Variants in CEMIP2 observed in about 807,000 individuals in gnomAD.
CEMIP2 encodes cell migration inducing hyaluronidase 2.
In CEMIP2, 79 loss-of-function variants were observed where a neutral mutation model predicts 146.9. The observed-to-expected ratio is 0.54, with a 90% CI of 0.45 to 0.65. The LOEUF (loss-of-function observed/expected upper bound fraction) is 0.65. Ranked by LOEUF, CEMIP2 falls within the 30% of genes least tolerant of loss-of-function variation. CEMIP2 has a pLI of 0.00. For synonymous variants in CEMIP2, 601 were observed against 606.3 expected, an observed-to-expected ratio of 0.99 and a Z score of 0.13; for missense variants, 1,596 against 1,696.2, an observed-to-expected ratio of 0.94 and a Z score of 1.04.
At chr9:71,706,936 T>C (rs1299233789) in intron 17 of CEMIP2, among the ~76,000 whole-genome samples, 1 of 152,170 alleles carries the variant, frequency 6.6e-6, no homozygotes, top group East Asian at 1.9e-4. Context: ...CAAGCGATTC[T>C]CCTGCCTCAG....
At position 71,745,723 on chromosome 9, in the gene CEMIP2, G is replaced by A. The variant is rs533767258; in HGVS notation, c.473-144C>T. 1.9e-5 allele frequency: 15 copies of A among 801,718 alleles called. No individual in the cohort carries two copies. The Admixed American group carries it at 4.1e-4, about 22-fold the overall frequency. 49.7% of individuals were successfully genotyped at this position (801,718 alleles called of 1,614,324 possible). A position where few individuals can be genotyped will look rare whatever the true frequency, so the allele number is the denominator to read the frequency against. Reference sequence around the variant, plus strand: ...AAGAATCTGCTTAGAAAACTAAAGGGAAAAATGAAGAGTTCATATCTTAAT... The same window carrying A: ...AAGAATCTGCTTAGAAAACTAAAGGAAAAAATGAAGAGTTCATATCTTAAT... On this transcript the variant is annotated intron_variant, in intron 3 of 23. Coordinates refer to ENST00000377044, the MANE Select transcript of CEMIP2 (RefSeq NM_013390.3).
At position 71,746,596 on chromosome 9, in the gene CEMIP2, CAAAAA is replaced by C. The variant is rs5898226; in HGVS notation, c.332-260_332-256del. 9.7e-4 allele frequency among the ~76,000 whole-genome samples: 73 copies of C among 75,174 alleles called. 1 individual carries two copies. The highest frequency in any genetic ancestry group is 1.0e-3 in the Non-Finnish European group (44 of 42,382). The allele number at this position is 75,174 out of a possible 152,430, so 49.3% of individuals were successfully genotyped here. A position where few individuals can be genotyped will look rare whatever the true frequency, so the allele number is the denominator to read the frequency against. ...GCATCTAGTTCAGGACAAACTTCAC[CAAAAA>C]AAAAAAAAAAAAAAAAAAGTTTCCC... On this transcript the variant is annotated intron_variant, in intron 2 of 23. Transcript: ENST00000377044.
At chr9:71,717,382 T>C (rs1264615222) in intron 13 of CEMIP2, among the ~76,000 whole-genome samples, 4 of 152,092 alleles carry the variant, frequency 2.6e-5, no homozygotes, top group Non-Finnish European at 4.4e-5. Context: ...AAGAAGCTAA[T>C]TTCAGTGCCA....
chr9:71,704,346 C>T (rs1443184760), intron 18 of CEMIP2: 2 of 506,590 alleles, frequency 3.9e-6, no homozygotes. Context: ...GTATTAAAAC[C>T]TATCGTTGAA....
At chr9:71,711,611 G>GA (rs1375949590) in intron 16 of CEMIP2, among the ~76,000 whole-genome samples, 1 of 151,400 alleles carries the variant, frequency 6.6e-6, no homozygotes, top group Non-Finnish European at 1.5e-5. Flanking sequence ...AAAAAGAAAA[G>GA]AAAAAAGAAA....
chr9:71,691,771 G>C (rs1455870550), intron 21 of CEMIP2, among the ~76,000 whole-genome samples: 1 of 152,014 alleles, frequency 6.6e-6, no homozygotes, highest in African/African-American at 2.4e-5. Context: ...AGGAGTTCAA[G>C]GTCAACCTGG....
intron 20 of CEMIP2, among the ~76,000 whole-genome samples, chr9:71,694,997 C>T (rs1822352443): frequency 6.6e-6 from 1 of 152,120 alleles, no homozygotes; most frequent in Admixed American, 6.5e-5. Flanking sequence ...GTGTAGATAA[C>T]AAGGACTACC....
rs115554204 is a variant in CEMIP2 at position 71,700,312 on chromosome 9, A to G, written c.3377+330T>C. Reference sequence around the variant, plus strand: ...ATGAGCTTTCACTGAAATATGAACTATATCACATGTAAATAATCATATGAA... The same window carrying G: ...ATGAGCTTTCACTGAAATATGAACTGTATCACATGTAAATAATCATATGAA... On this transcript the variant is annotated intron_variant, in intron 19 of 23. Transcript: ENST00000377044. 7.8e-3 allele frequency among the ~76,000 whole-genome samples: 1,191 copies of G among 152,372 alleles called. 18 individuals carry two copies. The highest frequency in any genetic ancestry group is 0.027 in the African/African-American group (1,111 of 41,592).
intron 10 of CEMIP2, among the ~76,000 whole-genome samples, chr9:71,728,273 ATATATATG>A (rs1302100743): frequency 5.2e-4 from 5 of 9,612 alleles, no homozygotes; most frequent in African/African-American, 7.8e-4. Flanking sequence ...ATATATATAT[ATATATATG>A]TATATATATA....
intron 21 of CEMIP2, among the ~76,000 whole-genome samples, chr9:71,691,883 A>T (rs1188013726): frequency 6.6e-6 from 1 of 152,142 alleles, no homozygotes; most frequent in Non-Finnish European, 1.5e-5. Flanking sequence ...AGGAGGGTGG[A>T]TCACCTGAGG....
chr9:71,695,189 C>A lies in CEMIP2; in HGVS notation c.3598-582G>T, dbSNP rs79140525. 8.8e-3 allele frequency among the ~76,000 whole-genome samples: 1,340 copies of A among 152,248 alleles called. 27 individuals are homozygous for A. Among genetic ancestry groups the A allele is most frequent in the African/African-American group, 0.03 (1,258 of 41,536 alleles). ...CTCCACCCTCTTCCTTGCCACTCTG[C>A]CTTTGCTGATGCTGTTCCCTTCCCA... is the stretch of plus-strand genomic sequence containing the variant. On this transcript the variant is annotated intron_variant, in intron 20 of 23. Transcript: ENST00000377044.
In CEMIP2 at chr9:71,703,639, C is replaced by A. The variant is rs1353258639; in HGVS notation, c.3194+956G>T. ...ATGGAGTCGCATGGGTTAATAGCCA[C>A]ATGTATCTAGATTGATAAGATACAT... On this transcript the variant is annotated intron_variant, in intron 18 of 23. Transcript: ENST00000377044. 2.6e-5 allele frequency among the ~76,000 whole-genome samples: 4 copies of A among 152,286 alleles called. No homozygotes were observed. In the South Asian group the frequency reaches 6.2e-4, roughly 24 times the overall value.
chr9:71,691,436 A>G (rs1822225558), intron 21 of CEMIP2, among the ~76,000 whole-genome samples: 1 of 150,946 alleles, frequency 6.6e-6, no homozygotes, highest in Admixed American at 6.6e-5. Flanking sequence ...AAAAATAAAT[A>G]AATAAAAAAG....
intron 1 of CEMIP2, among the ~76,000 whole-genome samples, chr9:71,767,432 G>A (rs545723955): frequency 6.6e-6 from 1 of 152,190 alleles, no homozygotes; most frequent in Non-Finnish European, 1.5e-5. Context: ...CACAATGAAA[G>A]TTTTAAAAAT....
At chr9:71,729,946 T>C in intron 9 of CEMIP2, 32 bp from the exon 10 acceptor site, 1 of 1,613,738 alleles carries the variant, frequency 6.2e-7, no homozygotes, top group Non-Finnish European at 8.5e-7. Context: ...GATTTAAACA[T>C]TCTTCATAAA....
intron 4 of CEMIP2, among the ~76,000 whole-genome samples, chr9:71,744,437 T>C (rs1824014657): frequency 6.6e-6 from 1 of 152,120 alleles, no homozygotes; most frequent in South Asian, 2.1e-4. Context: ...AATTCTACTA[T>C]CTGGATGAAT....
chr9:71,710,766 T>C (rs1822882995), intron 16 of CEMIP2, among the ~76,000 whole-genome samples: 1 of 152,116 alleles, frequency 6.6e-6, no homozygotes, highest in Admixed American at 6.5e-5. Flanking sequence ...GATCCAAGAC[T>C]CATCCTGCTG....
chr9:71,737,699 T>C (rs1823801541), intron 5 of CEMIP2, among the ~76,000 whole-genome samples: 1 of 152,164 alleles, frequency 6.6e-6, no homozygotes, highest in Non-Finnish European at 1.5e-5. Flanking sequence ...AAACTTAACC[T>C]GGGCAAGTCT....
chr9:71,692,122 A>G (rs1822246571), intron 21 of CEMIP2, among the ~76,000 whole-genome samples: 1 of 149,504 alleles, frequency 6.7e-6, no homozygotes, highest in African/African-American at 2.5e-5. Context: ...AAAAAAAAGA[A>G]AAAAAAAAAC....
Sources: allele counts gnomAD v4.1 joint callset (sites outside exome capture counted in the v4.1 genomes callset), GRCh38; gene constraint gnomAD v4.1.1; transcripts MANE v1.5; gene names NCBI Gene and HGNC (gene_info 2026-07-23, HGNC 2026-07-21).